The following UNC13A variants were observed in gnomAD, a reference collection of about 807,000 sequenced individuals.
UNC13A encodes the protein protein unc-13 homolog A.
UNC13A carries 61 observed loss-of-function variants against 219.7 expected under a neutral mutation model. The ratio of observed to expected loss-of-function variants is 0.28; its 90% CI spans 0.23 to 0.34. The LOEUF is 0.34. Ranked by LOEUF, UNC13A falls within the 10% of genes least tolerant of loss-of-function variation. The pLI is 1.00. For synonymous variants in UNC13A, 920 were observed against 884.6 expected, an observed-to-expected ratio of 1.04 and a Z score of -0.71; for missense variants, 1,476 against 2,270.3, an observed-to-expected ratio of 0.65 and a Z score of 7.11.
intron 26 of UNC13A, among the ~76,000 whole-genome samples, chr19:17,634,917 GC>G (rs550550655): frequency 1.6e-4 from 24 of 152,038 alleles, no homozygotes; most frequent in Middle Eastern, 6.8e-3. Flanking sequence ...TGTTGCCCAG[GC>G]TGGAGTGCAG....
chr19:17,627,399 C>CT lies in UNC13A; in HGVS notation c.3920+109dup. On this transcript the variant is annotated intron_variant, in intron 33 of 43. Coordinates refer to ENST00000519716, the MANE Select transcript of UNC13A (RefSeq NM_001080421.3). The surrounding 1 kb of genome is among the most constrained non-coding windows in gnomAD (Gnocchi z 4.7). ...GATTTGAACTCAGCCTTGTCTAACT[C>CT]TGAGCCTGCAATCTTCACCTCTACA... 1.2e-6 allele frequency: 1 copy of CT among 845,892 alleles called. No individual in the cohort carries two copies. 52.4% of individuals were successfully genotyped at this position (845,892 alleles called of 1,614,324 possible).
In UNC13A at chr19:17,658,100, C is replaced by T. The variant is rs1246679704; in HGVS notation, c.729G>A (p.Met243Ile). The change falls in exon 9 of 44, where the codon ATG becomes ATA. Residue 243 changes from methionine to isoleucine, a missense_variant. Physicochemically the swap from Met to Ile is conservative, Grantham distance 10. Around this residue, in one of 14 missense-constraint regions of UNC13A, gnomAD observed 351 missense variants for 342.6 expected, o/e 1.02. Coordinates refer to ENST00000519716, the MANE Select transcript of UNC13A (RefSeq NM_001080421.3). ...LGSRESYSDS[M>I]HSYEEFSEPQ... The stretch of plus-strand genomic sequence containing the variant: ...GCTCAGAGAACTCCTCGTAACTGTG[C>T]ATGGAGTCACTGTAGGACTCCCGGG... 6.2e-7 allele frequency: 1 copy of T among 1,613,774 alleles called. No homozygotes were observed. The highest frequency in any genetic ancestry group is 1.7e-5 in the Admixed American group (1 of 59,978).
chr19:17,623,406 A>C, intron 36 of UNC13A, 136 bp downstream of exon 36: 4 of 614,034 alleles, frequency 6.5e-6, no homozygotes, highest in Non-Finnish European at 5.4e-6. Flanking sequence ...AGACACAGGC[A>C]CATCTAGGCG....
intron 11 of UNC13A, among the ~76,000 whole-genome samples, chr19:17,653,739 C>T (rs1212216221): frequency 2.0e-5 from 3 of 151,976 alleles, no homozygotes; most frequent in South Asian, 2.1e-4. Context: ...GTGAGCCTCC[C>T]GCCTCGACCT....
At chr19:17,623,445 C>T in intron 36 of UNC13A, 97 bp downstream of exon 36, 4 of 835,764 alleles carry the variant, frequency 4.8e-6, no homozygotes, top group Non-Finnish European at 7.1e-6. Flanking sequence ...GAGGAGGGGG[C>T]GCTGGGTGGG....
intron 2 of UNC13A, among the ~76,000 whole-genome samples, chr19:17,675,047 G>A (rs887849166): frequency 1.3e-5 from 2 of 152,232 alleles, no homozygotes; most frequent in South Asian, 4.1e-4. Context: ...CCCTTTGCAG[G>A]CTGGGTGCAG....
At chr19:17,610,808 T>G (rs541496927) in intron 42 of UNC13A, among the ~76,000 whole-genome samples, 34 of 151,960 alleles carry the variant, frequency 2.2e-4, no homozygotes, top group Non-Finnish European at 4.4e-4. Flanking sequence ...GTGGGAGGAC[T>G]GCTTGAGGCC....
intron 38 of UNC13A, 181 bp from the exon 39 acceptor site, chr19:17,619,143 AT>A (rs2076699714): frequency 1.6e-6 from 1 of 615,592 alleles, no homozygotes; most frequent in Admixed American, 2.8e-5. Flanking sequence ...GTCCCTGAAA[AT>A]CCCGGTCCTG....
rs2076508608 is a variant in UNC13A, at chr19:17,605,221, T to A, written c.*833A>T. ...CACCCTTCCATGGGGCACACAGGCC[T>A]AAGGGAGGGGCACAGAGGGTATGGC... On this transcript the variant is annotated 3_prime_UTR_variant, in exon 44 of 44. Transcript: ENST00000519716. 2 of 152,798 alleles carry A rather than the reference T, an allele frequency of 1.3e-5. No individual in the cohort carries two copies. The highest frequency in any genetic ancestry group is 4.1e-4 in the South Asian group (2 of 4,844). The allele number at this position is 152,798 out of a possible 1,614,324, so 9.5% of individuals were successfully genotyped here.
chr19:17,688,081 G>T (rs992937762), intron 1 of UNC13A, 97 bp downstream of exon 1: 1 of 1,436,234 alleles, frequency 7.0e-7, no homozygotes, highest in African/African-American at 1.5e-5. Context: ...CTGGACTCGG[G>T]TCACCCCCCA....
chr19:17,616,525 C>T, intron 41 of UNC13A: 2 of 632,076 alleles, frequency 3.2e-6, no homozygotes, highest in Non-Finnish European at 2.9e-6. Context: ...CGGGGAGAGA[C>T]GAGCCAGTGA....
At chr19:17,670,942 A>AT (rs777457766) in intron 4 of UNC13A, among the ~76,000 whole-genome samples, 61 of 151,156 alleles carry the variant, frequency 4.0e-4, no homozygotes, top group Middle Eastern at 6.8e-3. Flanking sequence ...ATAAAATAAA[A>AT]TAAAATAAAA....
At chr19:17,624,528 T>C (rs1186555135) in intron 35 of UNC13A, among the ~76,000 whole-genome samples, 1 of 152,192 alleles carries the variant, frequency 6.6e-6, no homozygotes, top group Admixed American at 6.5e-5. Flanking sequence ...GTGACCTCTA[T>C]GACTTTAGTG....
chr19:17,642,175 T>G (rs1415582455), intron 20 of UNC13A, among the ~76,000 whole-genome samples: 1 of 152,162 alleles, frequency 6.6e-6, no homozygotes, highest in Non-Finnish European at 1.5e-5. Flanking sequence ...CATCCAACAT[T>G]TCATCTATCC....
chr19:17,686,401 A>C (rs1484172847), intron 1 of UNC13A, among the ~76,000 whole-genome samples: 1 of 147,930 alleles, frequency 6.8e-6, no homozygotes, highest in African/African-American at 2.5e-5. Flanking sequence ...GAGAAGAGAG[A>C]GGATAGAGGA....
intron 1 of UNC13A, among the ~76,000 whole-genome samples, chr19:17,680,389 G>T (rs903216889): frequency 6.6e-6 from 1 of 152,304 alleles, no homozygotes; most frequent in South Asian, 2.1e-4. Context: ...TAGCGTGGGC[G>T]CGCGGAGGGC....
intron 29 of UNC13A, 149 bp from the exon 30 acceptor site, chr19:17,630,437 T>C: frequency 7.2e-7 from 1 of 1,382,634 alleles, no homozygotes; most frequent in Non-Finnish European, 9.8e-7. Context: ...GAGTCAACTC[T>C]AGAGGTGGAC....
chr19:17,680,269 G>A (rs1366006431), intron 1 of UNC13A, among the ~76,000 whole-genome samples: 1 of 152,164 alleles, frequency 6.6e-6, no homozygotes, highest in Admixed American at 6.5e-5. Flanking sequence ...CGTCTTCGTC[G>A]TCACATCCCG....
At chr19:17,657,944 A>G (rs1312783225) in intron 9 of UNC13A, 118 bp downstream of exon 9, 6 of 1,016,532 alleles carry the variant, frequency 5.9e-6, no homozygotes, top group Non-Finnish European at 8.7e-6. Flanking sequence ...GCCCTCCTGG[A>G]TGGGTGAATT....
Sources: allele counts gnomAD v4.1 joint callset (sites outside exome capture counted in the v4.1 genomes callset), GRCh38; gene constraint gnomAD v4.1.1; regional missense constraint gnomAD v4.1.1; non-coding constraint Gnocchi (gnomAD v3.1); transcripts MANE v1.5; gene names NCBI Gene and HGNC (gene_info 2026-07-23, HGNC 2026-07-21).